NKAP: variants seen among roughly 807,000 people sequenced by gnomAD.
NKAP encodes NF-kappa-B-activating protein.
Under a neutral mutation model 35.6 loss-of-function variants are expected in NKAP, and 4 were observed. That is an observed-to-expected ratio of 0.11 (90% CI 0.06 to 0.26). NKAP has a LOEUF of 0.26. Among genes scored for constraint, NKAP ranks in the 10% least tolerant of loss-of-function variants. The pLI, the probability that NKAP is intolerant of heterozygous loss-of-function variation, is 1.00. For missense variants in NKAP, 238 were observed against 321.9 expected, an observed-to-expected ratio of 0.74 and a Z score of 1.99; for synonymous variants, 106 against 119.2, an observed-to-expected ratio of 0.89 and a Z score of 0.72.
intron 2 of NKAP, chrX:119,937,544 G>A (rs1433229458): frequency 4.1e-5 from 4 of 98,442 alleles, no homozygotes; most frequent in African/African-American, 1.5e-4. Context: ...GGAGGCGGAG[G>A]TTATGGTGAG....
At chrX:119,930,235 G>A in intron 7 of NKAP, 70 bp from the exon 8 acceptor site, 1 of 1,031,092 alleles carries the variant, frequency 9.7e-7, no homozygotes, top group South Asian at 2.3e-5. Context: ...ATAATCTAAA[G>A]AGAGCACCAA....
intron 1 of NKAP, 94 bp downstream of exon 1, chrX:119,943,126 G>A (rs984553994): frequency 2.2e-5 from 23 of 1,060,844 alleles, no homozygotes; most frequent in Non-Finnish European, 2.5e-5. Flanking sequence ...AGCAGAGTGA[G>A]CGAAATGCGA....
chrX:119,923,941 C>T lies in NKAP; in HGVS notation c.*1279G>A, dbSNP rs2056697789. 3.7e-5 allele frequency: 4 copies of T among 107,467 alleles called. No homozygotes were observed. The South Asian group carries it at 1.2e-3, about 32-fold the overall frequency. The allele number at this position is 107,467 out of a possible 1,213,427, so 8.9% of individuals were successfully genotyped here. A position where few individuals can be genotyped will look rare whatever the true frequency, so the allele number is the denominator to read the frequency against. On this transcript the variant is annotated 3_prime_UTR_variant, in exon 9 of 9. Coordinates refer to ENST00000371410, the MANE Select transcript of NKAP (RefSeq NM_024528.4). ...TGTACTCCAGCCTGGGCAACAAGAG[C>T]GAGATTCCATCTCAAAAAAAACAAT...
chrX:119,926,890 GTC>G (rs1347758879), intron 8 of NKAP, among the ~76,000 whole-genome samples: 1 of 103,639 alleles, frequency 9.6e-6, no homozygotes, highest in East Asian at 3.3e-4. Flanking sequence ...GTGAAACCTC[GTC>G]TCTGCTAAAA....
At chrX:119,936,559 A>G in intron 3 of NKAP, 53 bp downstream of exon 3, 1 of 1,040,439 alleles carries the variant, frequency 9.6e-7, no homozygotes, top group Non-Finnish European at 1.3e-6. Flanking sequence ...GATTTTTTTA[A>G]ATCTCTCAAT....
intron 1 of NKAP, among the ~76,000 whole-genome samples, chrX:119,940,354 CAAA>C (rs386419406): frequency 2.9e-5 from 2 of 69,014 alleles, no homozygotes; most frequent in Non-Finnish European, 2.7e-5. Context: ...AATAAAAAAC[CAAA>C]AAAAAAAAAA....
In NKAP at chrX:119,932,186, C is replaced by A. The variant is rs372119031; in HGVS notation, c.768G>T (p.Lys256Asn). The change falls in exon 6 of 9, where the codon AAG becomes AAT. Residue 256 changes from lysine (K) to asparagine (N), a missense_variant. By Grantham distance (94) the Lys-to-Asn change is moderately conservative. This residue lies in a region of NKAP where 89 missense variants were observed against 91.7 expected (regional missense o/e 0.97). Coordinates refer to ENST00000371410, the MANE Select transcript of NKAP (RefSeq NM_024528.4). ...TTGAATCACTGGACTCTTTTCTGCT[C>A]TTCTTAGACCTCTTTTTCTTATATT... ...SKKYKKKRSK[K>N]SRKESSDSSS... The A allele has an allele frequency of 2.8e-5, 34 of 1,193,401 alleles. No homozygotes were observed. The highest frequency in any genetic ancestry group is 3.5e-5 in the Non-Finnish European group (31 of 885,709).
chrX:119,923,225 A>C lies in NKAP; in HGVS notation c.*1995T>G, dbSNP rs981793756. 2.7e-5 allele frequency: 3 copies of C among 111,363 alleles called. No homozygotes were observed. The highest frequency in any genetic ancestry group is 1.9e-5 in the Non-Finnish European group (1 of 53,129). 9.2% of individuals were successfully genotyped at this position (111,363 alleles called of 1,213,427 possible). On this transcript the variant is annotated 3_prime_UTR_variant, in exon 9 of 9. Coordinates refer to ENST00000371410, the MANE Select transcript of NKAP (RefSeq NM_024528.4). ...GACTCTATCTCAAAAAACAAAAAAC[A>C]GAAAACCAACCTTAATGAAAACAGC... is the stretch of plus-strand genomic sequence containing the variant.
rs1258971992 is a variant in NKAP, at chrX:119,924,112, G to A, written c.*1108C>T. 1 of 111,659 alleles carries A rather than the reference G, an allele frequency of 9.0e-6. No homozygotes were observed. Among genetic ancestry groups the A allele is most frequent in the Non-Finnish European group, 1.9e-5 (1 of 53,163 alleles). The allele number at this position is 111,659 out of a possible 1,213,427, so 9.2% of individuals were successfully genotyped here. On this transcript the variant is annotated 3_prime_UTR_variant, in exon 9 of 9. Coordinates refer to ENST00000371410, the MANE Select transcript of NKAP (RefSeq NM_024528.4). Reference sequence around the variant, plus strand: ...GTAGATCATATATTATAGTACACAAGTCAGTTTTCAAATTCCAGATTTGCT... The same window carrying A: ...GTAGATCATATATTATAGTACACAAATCAGTTTTCAAATTCCAGATTTGCT...
chrX:119,943,734 A>G lies in NKAP; in HGVS notation c.-129T>C, dbSNP rs2056806653. ...CCAAATCTGAGGAAACCTTGGACAC[A>G]GTTCTGGGTACTTCTGCAAAACCCT... is the stretch of plus-strand genomic sequence containing the variant. On this transcript the variant is annotated 5_prime_UTR_variant, in exon 1 of 9. Transcript: ENST00000371410. 1.3e-6 allele frequency: 1 copy of G among 776,764 alleles called. No individual in the cohort carries two copies. The highest frequency in any genetic ancestry group is 3.6e-5 in the East Asian group (1 of 27,561). The allele number at this position is 776,764 out of a possible 1,213,427, so 64.0% of individuals were successfully genotyped here.
chrX:119,922,122 G>A lies in NKAP; in HGVS notation c.*3098C>T, dbSNP rs1359112206. ...CTCCCAAAGTGCTGGGATTATAGGTGTGAGCCACCACGCCCAGCTGAGAAT... is the reference window on the plus strand; with the variant it reads ...CTCCCAAAGTGCTGGGATTATAGGTATGAGCCACCACGCCCAGCTGAGAAT... On this transcript the variant is annotated 3_prime_UTR_variant, in exon 9 of 9. Transcript: ENST00000371410. The A allele has an allele frequency of 1.8e-5, 2 of 111,719 alleles. No individual in the cohort carries two copies. The highest frequency in any genetic ancestry group is 3.8e-5 in the Non-Finnish European group (2 of 53,129). The allele number at this position is 111,719 out of a possible 1,213,427, so 9.2% of individuals were successfully genotyped here. A position where few individuals can be genotyped will look rare whatever the true frequency, so the allele number is the denominator to read the frequency against.
intron 1 of NKAP, among the ~76,000 whole-genome samples, chrX:119,939,122 A>G (rs1403563816): frequency 8.9e-6 from 1 of 112,386 alleles, no homozygotes; most frequent in East Asian, 2.8e-4. Context: ...ATTTGTAAGT[A>G]ACTTCATTTG....
Position 119,932,011 on chromosome X carries a change from T to C in NKAP, c.848A>G (p.Lys283Arg). ...FLENPWKDRTKAEEPSDLIGP... is the reference protein window; with the variant it reads ...FLENPWKDRTRAEEPSDLIGP... ...AATTAAATCTGATGGTTCTTCAGCC[T>C]CTGCATGAAAGATATTAAGAAACAC... The change falls in exon 7 of 9, where the codon AAG becomes AGG. Residue 283 changes from lysine to arginine, a missense_variant and splice_region_variant. This residue lies in a region of NKAP where 89 missense variants were observed against 91.7 expected (regional missense o/e 0.97). Coordinates refer to ENST00000371410, the MANE Select transcript of NKAP (RefSeq NM_024528.4). 1.7e-6 allele frequency: 2 copies of C among 1,205,851 alleles called. No homozygotes were observed. The highest frequency in any genetic ancestry group is 2.2e-6 in the Non-Finnish European group (2 of 890,577).
At chrX:119,938,380 C>CAAA (rs397726900) in intron 2 of NKAP, among the ~76,000 whole-genome samples, 51 of 103,890 alleles carry the variant, frequency 4.9e-4, no homozygotes, top group African/African-American at 1.7e-3. Flanking sequence ...GACTCCATCT[C>CAAA]AAAAAAAAAA....
intron 8 of NKAP, among the ~76,000 whole-genome samples, chrX:119,925,947 ATT>A (rs1238211722): frequency 3.8e-5 from 2 of 52,399 alleles, no homozygotes; most frequent in Non-Finnish European, 6.7e-5. Context: ...TTTTTTTTTA[ATT>A]TTTTTTTTTT....
chrX:119,940,531 T>G (rs1039889972), intron 1 of NKAP, among the ~76,000 whole-genome samples: 1 of 111,703 alleles, frequency 9.0e-6, no homozygotes, highest in Non-Finnish European at 1.9e-5. Flanking sequence ...ATTTTTGTTA[T>G]TCCTCATAAA....
At chrX:119,940,883 C>T (rs1396175655) in intron 1 of NKAP, among the ~76,000 whole-genome samples, 1 of 111,501 alleles carries the variant, frequency 9.0e-6, no homozygotes, top group Admixed American at 9.6e-5. Flanking sequence ...AATTATTGGC[C>T]GGGCCCAGCA....
At chrX:119,938,535 T>C (rs2056777544) in intron 2 of NKAP, among the ~76,000 whole-genome samples, 195 bp downstream of exon 2, 1 of 112,192 alleles carries the variant, frequency 8.9e-6, no homozygotes, top group African/African-American at 3.2e-5. Context: ...TAGATTATGC[T>C]AAAACCTACT....
intron 2 of NKAP, 198 bp from the exon 3 acceptor site, chrX:119,936,880 T>C: frequency 2.7e-6 from 1 of 371,833 alleles, no homozygotes; most frequent in Non-Finnish European, 4.6e-6. Flanking sequence ...CTGAACTACT[T>C]TCATAAACGT....
Sources: allele counts gnomAD v4.1 joint callset (sites outside exome capture counted in the v4.1 genomes callset), GRCh38; gene constraint gnomAD v4.1.1; regional missense constraint gnomAD v4.1.1; transcripts MANE v1.5; gene names NCBI Gene and HGNC (gene_info 2026-07-23, HGNC 2026-07-21).